DICER1: variants seen among roughly 807,000 people sequenced by gnomAD.
The protein encoded by DICER1 is endoribonuclease Dicer.
In DICER1, 43 loss-of-function variants were observed where a neutral mutation model predicts 194.1. That is an observed-to-expected ratio of 0.22 (90% CI 0.17 to 0.29). The LOEUF (loss-of-function observed/expected upper bound fraction) is 0.29. Ranked by LOEUF, DICER1 falls within the 10% of genes least tolerant of loss-of-function variation. The pLI is 1.00. For missense variants in DICER1, 1,608 were observed against 2,317.0 expected, an observed-to-expected ratio of 0.69 and a Z score of 6.28; for synonymous variants, 832 against 820.5, an observed-to-expected ratio of 1.01 and a Z score of -0.24.
chr14:95,129,198 G>A (rs763239127), intron 6 of DICER1: 9 of 388,828 alleles, frequency 2.3e-5, no homozygotes, highest in Non-Finnish European at 3.8e-5. Context: ...TACTGTCAAA[G>A]TTCCCAGTCC....
intron 8 of DICER1, among the ~76,000 whole-genome samples, chr14:95,122,927 T>C (rs1171971886): frequency 2.0e-5 from 3 of 150,340 alleles, no homozygotes; most frequent in South Asian, 4.2e-4. Flanking sequence ...CGTGTGCGCG[T>C]GCGTGTACGC....
At position 95,099,731 on chromosome 14, in the gene DICER1, TACACACACACACACAC is replaced by T. The variant is rs71838494; in HGVS notation, c.4206+33_4206+48del. The stretch of plus-strand genomic sequence containing the variant: ...TCACCGAAAAGTAAATCCCTCCAGT[TACACACACACACACAC>T]ACACACACACACACACACACACACA... On this transcript the variant is annotated intron_variant, in intron 22 of 26. Coordinates refer to ENST00000343455, the MANE Select transcript of DICER1 (RefSeq NM_177438.3). 3,048 of 1,070,786 alleles carry T rather than the reference TACACACACACACACAC, an allele frequency of 2.8e-3. No individual in the cohort carries two copies. Among genetic ancestry groups the T allele is most frequent in the Admixed American group, 3.8e-3 (73 of 19,004 alleles). 66.3% of individuals were successfully genotyped at this position (1,070,786 alleles called of 1,614,324 possible). A position where few individuals can be genotyped will look rare whatever the true frequency, so the allele number is the denominator to read the frequency against.
chr14:95,157,326 G>GC lies in DICER1; in HGVS notation c.-143dup. 6.4e-6 allele frequency: 1 copy of GC among 155,240 alleles called. No individual in the cohort carries two copies. Among genetic ancestry groups the GC allele is most frequent in the Non-Finnish European group, 1.4e-5 (1 of 70,460 alleles). The allele number at this position is 155,240 out of a possible 1,614,324, so 9.6% of individuals were successfully genotyped here. A position where few individuals can be genotyped will look rare whatever the true frequency, so the allele number is the denominator to read the frequency against. On this transcript the variant is annotated 5_prime_UTR_variant, in exon 1 of 27. The change abolishes the stop of an existing upstream ORF in the 5' untranslated region. Coordinates refer to ENST00000343455, the MANE Select transcript of DICER1 (RefSeq NM_177438.3). ...CCTCCCGGAGCCGCCCGGCGCCGCC[G>GC]CCCCCGCCGCCATTTCCTCGCGCTC...
At chr14:95,143,699 G>C (rs1400730651) in intron 1 of DICER1, among the ~76,000 whole-genome samples, 2 of 152,174 alleles carry the variant, frequency 1.3e-5, no homozygotes, top group African/African-American at 4.8e-5. Flanking sequence ...GACTGCCTGT[G>C]ATGGGCACAG....
chr14:95,102,179 A>T (rs926351179), intron 21 of DICER1, among the ~76,000 whole-genome samples: 7 of 152,070 alleles, frequency 4.6e-5, no homozygotes, highest in Non-Finnish European at 8.8e-5. Context: ...TTGTTAGCTA[A>T]AATTATTTCT....
At chr14:95,132,424 T>C (rs1332032127) in intron 3 of DICER1, 91 bp downstream of exon 3, 1 of 1,381,056 alleles carries the variant, frequency 7.2e-7, no homozygotes, top group South Asian at 1.2e-5. Flanking sequence ...CTTTCTTCAA[T>C]AATTTAACTT....
chr14:95,102,288 TCA>T (rs1453393350), intron 21 of DICER1, among the ~76,000 whole-genome samples: 2 of 152,196 alleles, frequency 1.3e-5, no homozygotes, highest in African/African-American at 4.8e-5. Flanking sequence ...GCTTTTCAAC[TCA>T]CACTACATTC....
chr14:95,112,483 T>C lies in DICER1; in HGVS notation c.2041-236A>G, dbSNP rs112615740. ...AAGTCATAATTAAGATTTTACAATT[T>C]TGATGAATTTAAATTTCAGTAAGAT... On this transcript the variant is annotated intron_variant, in intron 12 of 26. Coordinates refer to ENST00000343455, the MANE Select transcript of DICER1 (RefSeq NM_177438.3). Among the ~76,000 whole-genome samples, 987 of 152,330 alleles carry C rather than the reference T, an allele frequency of 6.5e-3. 9 individuals carry two copies. The highest frequency in any genetic ancestry group is 0.023 in the African/African-American group (948 of 41,572).
intron 1 of DICER1, among the ~76,000 whole-genome samples, chr14:95,146,408 A>G (rs1895137290): frequency 6.6e-6 from 1 of 152,116 alleles, no homozygotes; most frequent in Non-Finnish European, 1.5e-5. Context: ...TCACAAACCA[A>G]TCAGCACACA....
At chr14:95,153,264 A>G (rs142289372) in intron 1 of DICER1, among the ~76,000 whole-genome samples, 7 of 152,090 alleles carry the variant, frequency 4.6e-5, no homozygotes, top group African/African-American at 1.7e-4. Flanking sequence ...GAAAATCCTC[A>G]CTGCCCATGT....
intron 8 of DICER1, among the ~76,000 whole-genome samples, chr14:95,118,334 A>G (rs768815339): frequency 6.6e-6 from 1 of 152,144 alleles, no homozygotes; most frequent in Non-Finnish European, 1.5e-5. Context: ...CTATCACCTG[A>G]TATCATTAGA....
chr14:95,092,221 C>G (rs1889908813), intron 24 of DICER1, among the ~76,000 whole-genome samples: 1 of 152,122 alleles, frequency 6.6e-6, no homozygotes, highest in Non-Finnish European at 1.5e-5. Context: ...GTGAAAAGAA[C>G]AGGTGACAGT....
Position 95,103,982 on chromosome 14 carries a change from A to G in DICER1, c.3414T>C (p.Asn1138=), listed in dbSNP as rs1248977051. Residue 1138 remains asparagine (N), a synonymous_variant, in exon 21 of 27, where the codon AAT becomes AAC. Transcript: ENST00000343455. ...VPENAAHQGA[N]RTSSLENHDQ... is the part of the protein sequence containing the mutation. The stretch of plus-strand genomic sequence containing the variant: ...CATGATTTTCTAGAGAGGAGGTTCT[A>G]TTAGCACCTTGATGTGCAGCATTTT... The G allele has an allele frequency of 3.7e-6, 6 of 1,614,058 alleles. No homozygotes were observed. The highest frequency in any genetic ancestry group is 1.7e-5 in the Admixed American group (1 of 59,998).
intron 1 of DICER1, among the ~76,000 whole-genome samples, chr14:95,134,798 C>T (rs1372813843): frequency 6.6e-6 from 1 of 152,200 alleles, no homozygotes; most frequent in Non-Finnish European, 1.5e-5. Flanking sequence ...AGCACAATCA[C>T]GCTCATCATC....
intron 8 of DICER1, among the ~76,000 whole-genome samples, chr14:95,120,604 A>G (rs143910580): frequency 1.1e-3 from 169 of 152,296 alleles, no homozygotes; most frequent in African/African-American, 3.9e-3. Context: ...CTCAAAAACA[A>G]AAGGATGAGG....
chr14:95,095,629 CAA>C, intron 23 of DICER1, 194 bp downstream of exon 23: 2 of 661,798 alleles, frequency 3.0e-6, no homozygotes, highest in South Asian at 3.5e-5. Context: ...TCCCAACAAC[CAA>C]AGTTATAAAG....
chr14:95,094,196 G>C, intron 23 of DICER1, 40 bp from the exon 24 acceptor site: 1 of 1,611,968 alleles, frequency 6.2e-7, no homozygotes, highest in Non-Finnish European at 8.5e-7. Flanking sequence ...TTGTGCAGAA[G>C]CATTTACACT....
intron 23 of DICER1, among the ~76,000 whole-genome samples, chr14:95,095,173 G>A (rs1890197689): frequency 6.6e-6 from 1 of 152,146 alleles, no homozygotes; most frequent in African/African-American, 2.4e-5. Context: ...TTCTGATACA[G>A]AAATTGAAAT....
intron 21 of DICER1, 150 bp from the exon 22 acceptor site, chr14:95,100,085 T>C (rs1890743723): frequency 1.2e-6 from 1 of 825,758 alleles, no homozygotes; most frequent in Non-Finnish European, 1.8e-6. Context: ...ACAGTTTTTC[T>C]ACCCATTCAT....
Sources: gnomAD v4.1 joint callset for allele counts (sites outside exome capture counted in the v4.1 genomes callset) on GRCh38, gnomAD v4.1.1 for gene constraint, MANE v1.5 for transcripts, NCBI Gene and HGNC (gene_info 2026-07-23, HGNC 2026-07-21) for gene names.